KCNMB2: variants seen among roughly 807,000 people sequenced by gnomAD.
KCNMB2 encodes the protein calcium-activated potassium channel subunit beta-2.
KCNMB2 carries 9 observed loss-of-function variants against 24.5 expected under a neutral mutation model. The observed-to-expected ratio is 0.37, with a 90% CI of 0.22 to 0.64. The LOEUF (loss-of-function observed/expected upper bound fraction) is 0.64. Ranked by LOEUF, KCNMB2 falls within the 30% of genes least tolerant of loss-of-function variation. The pLI, the probability that KCNMB2 is intolerant of heterozygous loss-of-function variation, is 0.63. For synonymous variants in KCNMB2, 109 were observed against 104.4 expected, an observed-to-expected ratio of 1.04 and a Z score of -0.27; for missense variants, 226 against 284.3, an observed-to-expected ratio of 0.79 and a Z score of 1.47.
chr3:178,557,461 G>A (rs1716164056), intron 1 of KCNMB2, among the ~76,000 whole-genome samples: 1 of 152,066 alleles, frequency 6.6e-6, no homozygotes, highest in Non-Finnish European at 1.5e-5. Context: ...TTACATTGAG[G>A]GTGCAAAAGT....
chr3:178,557,903 A>T (rs1164268591), intron 1 of KCNMB2, among the ~76,000 whole-genome samples: 1 of 152,218 alleles, frequency 6.6e-6, no homozygotes, highest in African/African-American at 2.4e-5. Context: ...ACCAAGAGAC[A>T]TTGAAACGAA....
chr3:178,709,775 G>T (rs2108348611), intron 1 of KCNMB2, among the ~76,000 whole-genome samples: 1 of 152,186 alleles, frequency 6.6e-6, no homozygotes, highest in African/African-American at 2.4e-5. Context: ...CCTGGTATTT[G>T]TTTCCCAGTC....
intron 1 of KCNMB2, among the ~76,000 whole-genome samples, chr3:178,591,720 A>T (rs1448748553): frequency 6.6e-6 from 1 of 152,126 alleles, no homozygotes; most frequent in African/African-American, 2.4e-5. Context: ...TAGGCTCCTA[A>T]GTTTAACTTG....
At chr3:178,600,206 GTCC>G (rs1385337229) in intron 1 of KCNMB2, among the ~76,000 whole-genome samples, 2 of 152,078 alleles carry the variant, frequency 1.3e-5, no homozygotes, top group African/African-American at 4.8e-5. Flanking sequence ...TTAGCATAAT[GTCC>G]TCAAGATTTA....
chr3:178,711,111 T>C (rs554328780), intron 1 of KCNMB2, among the ~76,000 whole-genome samples: 10 of 152,282 alleles, frequency 6.6e-5, no homozygotes, highest in Non-Finnish European at 1.3e-4. Flanking sequence ...TCACCTGAGG[T>C]AGATATTATG....
At chr3:178,841,672 T>G (rs904827065) in intron 4 of KCNMB2, 12 of 152,108 alleles carry the variant, frequency 7.9e-5, no homozygotes, top group Admixed American at 6.5e-5. Context: ...TCAAACAGTT[T>G]TAAACCATCA....
chr3:178,552,809 T>C (rs1021134627), intron 1 of KCNMB2, among the ~76,000 whole-genome samples: 4 of 152,242 alleles, frequency 2.6e-5, no homozygotes, highest in African/African-American at 9.6e-5. Context: ...ATAAGTCACA[T>C]ATTTTAAGCC....
intron 2 of KCNMB2, among the ~76,000 whole-genome samples, chr3:178,823,423 G>A (rs997188875): frequency 1.3e-5 from 2 of 152,170 alleles, no homozygotes; most frequent in African/African-American, 4.8e-5. Context: ...ACAAAGGCCT[G>A]TATTTAGCTC....
At chr3:178,751,245 G>C (rs1723836112) in intron 1 of KCNMB2, among the ~76,000 whole-genome samples, 1 of 152,068 alleles carries the variant, frequency 6.6e-6, no homozygotes, top group African/African-American at 2.4e-5. Flanking sequence ...AAATAGTTCA[G>C]AGACAAATAG....
chr3:178,757,720 GTATATATATCCAAGAGGATATATATATA>G (rs1724177406), intron 1 of KCNMB2, among the ~76,000 whole-genome samples: 1 of 45,708 alleles, frequency 2.2e-5, no homozygotes, highest in Non-Finnish European at 4.2e-5. Context: ...ATATATATAT[GTATATATATCCAAGAGGATATATATATA>G]TAAGAGGATA....
At chr3:178,695,793 C>G (rs953828344) in intron 1 of KCNMB2, among the ~76,000 whole-genome samples, 1 of 152,170 alleles carries the variant, frequency 6.6e-6, no homozygotes, top group African/African-American at 2.4e-5. Context: ...CTTCTGAGCC[C>G]TCCAAGTCTC....
intron 2 of KCNMB2, among the ~76,000 whole-genome samples, chr3:178,821,846 A>C (rs1461697339): frequency 1.3e-5 from 2 of 152,128 alleles, no homozygotes; most frequent in Admixed American, 6.5e-5. Flanking sequence ...TGTCTCATAG[A>C]TATTTCTCCA....
chr3:178,775,769 A>G (rs1277787057), intron 1 of KCNMB2, among the ~76,000 whole-genome samples: 1 of 152,228 alleles, frequency 6.6e-6, no homozygotes, highest in East Asian at 1.9e-4. Context: ...GAGTTTTGAC[A>G]CAGGAAGTCA....
At chr3:178,750,021 A>G (rs1241911376) in intron 1 of KCNMB2, among the ~76,000 whole-genome samples, 2 of 152,222 alleles carry the variant, frequency 1.3e-5, no homozygotes, top group Non-Finnish European at 1.5e-5. Context: ...GCTTCCTTTA[A>G]GTAAGTATGT....
chr3:178,783,112 C>T lies in KCNMB2; in HGVS notation c.-67-24231C>T, dbSNP rs1474813278. On this transcript the variant is annotated intron_variant, in intron 1 of 4. Transcript: ENST00000452583. Reference sequence around the variant, plus strand: ...AGATCAGATAGTTGTAGATATACGGCGTTATTTCTGAGGGCTCTGTTCTGT... The same window carrying T: ...AGATCAGATAGTTGTAGATATACGGTGTTATTTCTGAGGGCTCTGTTCTGT... Among the ~76,000 whole-genome samples the T allele has an allele frequency of 4.6e-5, 7 of 151,634 alleles. 1 individual carries two copies. The East Asian group carries it at 9.7e-4, about 21-fold the overall frequency.
intron 1 of KCNMB2, among the ~76,000 whole-genome samples, chr3:178,671,061 C>T (rs1240872131): frequency 6.6e-6 from 1 of 152,052 alleles, no homozygotes; most frequent in African/African-American, 2.4e-5. Context: ...AAAAGATTAA[C>T]TCTTGAAAGT....
intron 1 of KCNMB2, among the ~76,000 whole-genome samples, chr3:178,802,664 T>A (rs559221872): frequency 6.6e-6 from 1 of 152,280 alleles, no homozygotes; most frequent in South Asian, 2.1e-4. Context: ...CTCCCAGAGA[T>A]TCTCACTGGC....
At chr3:178,570,751 T>C (rs1354684997) in intron 1 of KCNMB2, among the ~76,000 whole-genome samples, 2 of 152,050 alleles carry the variant, frequency 1.3e-5, no homozygotes, top group African/African-American at 2.4e-5. Context: ...CAAGAAAATA[T>C]GATATGCAGC....
At chr3:178,538,514 GACTTTC>G (rs949361455) in intron 1 of KCNMB2, among the ~76,000 whole-genome samples, 12 of 152,158 alleles carry the variant, frequency 7.9e-5, no homozygotes, top group African/African-American at 2.7e-4. Context: ...AGGGTAAAAG[GACTTTC>G]ACTGCCTCTG....
Sources: gnomAD v4.1 joint callset for allele counts (sites outside exome capture counted in the v4.1 genomes callset) on GRCh38, gnomAD v4.1.1 for gene constraint, MANE v1.5 for transcripts, NCBI Gene and HGNC (gene_info 2026-07-23, HGNC 2026-07-21) for gene names.